Variants in FAM222B observed in about 807,000 individuals in gnomAD.
The protein encoded by FAM222B is family with sequence similarity 222 member B.
FAM222B carries 12 observed loss-of-function variants against 38.0 expected under a neutral mutation model. The ratio of observed to expected loss-of-function variants is 0.32; its 90% CI spans 0.20 to 0.51. The LOEUF (loss-of-function observed/expected upper bound fraction) is 0.51, where lower values mean the gene tolerates loss of function less well. Among genes scored for constraint, FAM222B ranks in the 20% least tolerant of loss-of-function variants. The pLI is 0.97. For missense variants in FAM222B, 716 were observed against 754.2 expected (o/e 0.95, Z 0.59); for synonymous variants, 329 against 317.2 (o/e 1.04, Z -0.40).
At chr17:28,838,910 AAAAAT>A (rs1314191122) in intron 1 of FAM222B, among the ~76,000 whole-genome samples, 2 of 151,872 alleles carry the variant, frequency 1.3e-5, no homozygotes, top group Non-Finnish European at 2.9e-5. Context: ...TGGTATCAAA[AAAAAT>A]AAAATAAGGC....
chr17:28,831,601 G>A (rs2038671936), intron 1 of FAM222B, among the ~76,000 whole-genome samples: 1 of 150,618 alleles, frequency 6.6e-6, no homozygotes, highest in South Asian at 2.1e-4. Context: ...CCGCCTTCTG[G>A]GCTCAAGCAA....
At chr17:28,790,859 GTT>G (rs2036631828) in intron 1 of FAM222B, among the ~76,000 whole-genome samples, 1 of 80,964 alleles carries the variant, frequency 1.2e-5, no homozygotes, top group Admixed American at 1.4e-4. Flanking sequence ...ACTTACAACT[GTT>G]CTATATATTT....
chr17:28,770,845 C>T lies in FAM222B; in HGVS notation c.-40-4138G>A, dbSNP rs545940851. Reference sequence around the variant, plus strand: ...TCAGCCTCCCAAAGTGCTGGGATTACGGCGTGAACCACAGTGTTGGGCCAT... The same window carrying T: ...TCAGCCTCCCAAAGTGCTGGGATTATGGCGTGAACCACAGTGTTGGGCCAT... On this transcript the variant is annotated intron_variant, in intron 1 of 2. Coordinates refer to ENST00000581407, the MANE Select transcript of FAM222B (RefSeq NM_001077498.3). Among the ~76,000 whole-genome samples, 35 of 152,072 alleles carry T rather than the reference C, an allele frequency of 2.3e-4. 1 individual carries two copies. In the South Asian group the frequency reaches 5.6e-3, roughly 24 times the overall value.
At position 28,772,725 on chromosome 17, in the gene FAM222B, T is replaced by C. The variant is rs575166536; in HGVS notation, c.-40-6018A>G. 1.8e-4 allele frequency among the ~76,000 whole-genome samples: 28 copies of C among 152,102 alleles called. No individual in the cohort carries two copies. The East Asian group carries it at 5.2e-3, about 29-fold the overall frequency. ...GCCTGGCCAATATGGTGAAACCCCATCTCTACTAAAAATAGAAAAATTAGC... is the reference window on the plus strand; with the variant it reads ...GCCTGGCCAATATGGTGAAACCCCACCTCTACTAAAAATAGAAAAATTAGC... On this transcript the variant is annotated intron_variant, in intron 1 of 2. Transcript: ENST00000581407.
chr17:28,796,887 G>A (rs1040492722), intron 1 of FAM222B, among the ~76,000 whole-genome samples: 2 of 151,708 alleles, frequency 1.3e-5, no homozygotes, highest in Non-Finnish European at 2.9e-5. Flanking sequence ...GGGGAGATAG[G>A]GATAGGTTTT....
intron 1 of FAM222B, among the ~76,000 whole-genome samples, chr17:28,819,435 G>A (rs1598012856): frequency 6.6e-6 from 1 of 152,072 alleles, no homozygotes; most frequent in Non-Finnish European, 1.5e-5. Flanking sequence ...TTAGGTAGTG[G>A]TGGAAAGTGC....
chr17:28,818,978 T>C (rs1392218904), intron 1 of FAM222B, among the ~76,000 whole-genome samples: 2 of 152,212 alleles, frequency 1.3e-5, no homozygotes, highest in Non-Finnish European at 2.9e-5. Flanking sequence ...GAAAAAGCCC[T>C]GGACGCTGTT....
At chr17:28,783,945 C>T (rs1207146907) in intron 1 of FAM222B, among the ~76,000 whole-genome samples, 1 of 151,482 alleles carries the variant, frequency 6.6e-6, no homozygotes, top group African/African-American at 2.4e-5. Context: ...GTTACAGGCT[C>T]CTGCCACCAC....
chr17:28,783,608 G>A (rs1398438140), intron 1 of FAM222B, among the ~76,000 whole-genome samples: 2 of 151,744 alleles, frequency 1.3e-5, no homozygotes, highest in Non-Finnish European at 2.9e-5. Context: ...CGCTTCCCAG[G>A]TTCAAGGGAT....
At position 28,789,179 on chromosome 17, in the gene FAM222B, A is replaced by T. The variant is rs2036555931; in HGVS notation, c.-40-22472T>A. Among the ~76,000 whole-genome samples the T allele has an allele frequency of 1.3e-5, 2 of 149,278 alleles. 1 individual carries two copies. Among genetic ancestry groups the T allele is most frequent in the African/African-American group, 4.9e-5 (2 of 40,696 alleles). On this transcript the variant is annotated intron_variant, in intron 1 of 2. Transcript: ENST00000581407. Reference sequence around the variant, plus strand: ...TTCAAAATTCTTCTATTACTGGTACACATCTTCTTCATTCTGTGTCCTTTT... The same window carrying T: ...TTCAAAATTCTTCTATTACTGGTACTCATCTTCTTCATTCTGTGTCCTTTT...
At chr17:28,786,797 T>C (rs1313664247) in intron 1 of FAM222B, among the ~76,000 whole-genome samples, 1 of 152,106 alleles carries the variant, frequency 6.6e-6, no homozygotes, top group Non-Finnish European at 1.5e-5. Context: ...CACAACGCCT[T>C]GCCATACATT....
In FAM222B at chr17:28,826,986, T is replaced by A. The variant is rs187663446; in HGVS notation, c.-41+15696A>T. On this transcript the variant is annotated intron_variant, in intron 1 of 2. Coordinates refer to ENST00000581407, the MANE Select transcript of FAM222B (RefSeq NM_001077498.3). ...CAAGACCTTGTCTTTGCCAAAAAAA[T>A]TTTTTTTTTCATTAGCCAGGCACAG... Among the ~76,000 whole-genome samples, 916 of 150,822 alleles carry A rather than the reference T, an allele frequency of 6.1e-3. 3 individuals carry two copies. The highest frequency in any genetic ancestry group is 0.013 in the East Asian group (66 of 5,144).
intron 1 of FAM222B, among the ~76,000 whole-genome samples, chr17:28,769,174 CTTTTTTTT>C (rs35918064): frequency 1.2e-5 from 1 of 82,544 alleles, no homozygotes. Context: ...AATGTTAGTT[CTTTTTTTT>C]TTTTTTTTTT....
Position 28,818,547 on chromosome 17 carries a change from GAATAAAAATAAAA to G in FAM222B, c.-41+24122_-41+24134del, listed in dbSNP as rs1214024074. Among the ~76,000 whole-genome samples, 31 of 149,166 alleles carry G rather than the reference GAATAAAAATAAAA, an allele frequency of 2.1e-4. No individual in the cohort carries two copies. The East Asian group carries it at 4.3e-3, about 21-fold the overall frequency. On this transcript the variant is annotated intron_variant, in intron 1 of 2. Transcript: ENST00000581407. ...GAGAGTCCGTCTCAAAAAAAAAAAA[GAATAAAAATAAAA>G]AATAAAAATAAAAATAAAAATAACA...
intron 1 of FAM222B, among the ~76,000 whole-genome samples, chr17:28,827,319 T>A: frequency 6.6e-6 from 1 of 151,804 alleles, no homozygotes; most frequent in Non-Finnish European, 1.5e-5. Flanking sequence ...GACAGTGCCA[T>A]GGCACTCCAA....
chr17:28,782,541 T>C (rs1017894353), intron 1 of FAM222B, among the ~76,000 whole-genome samples: 1 of 152,204 alleles, frequency 6.6e-6, no homozygotes, highest in Non-Finnish European at 1.5e-5. Context: ...AGCCTCCTAA[T>C]ATGTTAATAT....
At chr17:28,790,058 T>C (rs1308158468) in intron 1 of FAM222B, among the ~76,000 whole-genome samples, 10 of 152,220 alleles carry the variant, frequency 6.6e-5, no homozygotes, top group Admixed American at 6.5e-4. Flanking sequence ...ATTTGGGCAT[T>C]TTTATGATTA....
chr17:28,814,178 CAA>C (rs775435641), intron 1 of FAM222B, among the ~76,000 whole-genome samples: 23 of 101,212 alleles, frequency 2.3e-4, no homozygotes, highest in Admixed American at 2.1e-4. Flanking sequence ...ACTCTAACTC[CAA>C]AAAAAAAAAA....
At position 28,759,944 on chromosome 17, in the gene FAM222B, C is replaced by T. The variant is rs565571561; in HGVS notation, c.83-68G>A. 1.4e-6 allele frequency: 2 copies of T among 1,412,444 alleles called. No homozygotes were observed. Among genetic ancestry groups the T allele is most frequent in the African/African-American group, 2.9e-5 (2 of 68,934 alleles). 87.5% of individuals were successfully genotyped at this position (1,412,444 alleles called of 1,614,324 possible). On this transcript the variant is annotated intron_variant, in intron 2 of 2. Transcript: ENST00000581407. The surrounding 1 kb of genome is among the most constrained non-coding windows in gnomAD (Gnocchi z 4.8). ...GCTCATCAGTGCCAAGGCAAACAGC[C>T]CTTCCAGATTCCCCTTTTGAGGGCC...
Sources: gnomAD v4.1 joint callset for allele counts (sites outside exome capture counted in the v4.1 genomes callset) on GRCh38, gnomAD v4.1.1 for gene constraint, Gnocchi (gnomAD v3.1) non-coding constraint, MANE v1.5 for transcripts, NCBI Gene and HGNC (gene_info 2026-07-23, HGNC 2026-07-21) for gene names.